The following DDX56 variants were observed in gnomAD, a reference collection of about 807,000 sequenced individuals.
DDX56 encodes DEAD-box helicase 56, also known as probable ATP-dependent RNA helicase DDX56.
DDX56 carries 45 observed loss-of-function variants against 61.5 expected under a neutral mutation model. The ratio of observed to expected loss-of-function variants is 0.73; its 90% CI spans 0.58 to 0.94. DDX56 has a LOEUF of 0.94. Ranked by LOEUF, DDX56 falls within the 40% of genes least tolerant of loss-of-function variation. The pLI is 0.00. For synonymous variants in DDX56, 273 were observed against 268.3 expected (o/e 1.02, Z -0.17); for missense variants, 708 against 690.7 (o/e 1.02, Z -0.28).
intron 6 of DDX56, among the ~76,000 whole-genome samples, chr7:44,571,237 C>G (rs184090764): frequency 1.8e-4 from 27 of 152,298 alleles, no homozygotes; most frequent in Admixed American, 1.2e-3. Flanking sequence ...CGGGGTTTCA[C>G]CATGCTGGCC....
chr7:44,571,314 C>T (rs900750179), intron 6 of DDX56, among the ~76,000 whole-genome samples, 178 bp downstream of exon 6: 2 of 152,358 alleles, frequency 1.3e-5, no homozygotes, highest in East Asian at 3.9e-4. Context: ...GCTGAGATTA[C>T]AGCAGGCATA....
At position 44,568,959 on chromosome 7, in the gene DDX56, G is replaced by C. The variant is rs1228134063; in HGVS notation, c.1327C>G (p.Arg443Gly). Residue 443 changes from arginine (R) to glycine (G), a missense_variant, in exon 11 of 14, where the codon CGG becomes GGG. Coordinates refer to ENST00000258772, the MANE Select transcript of DDX56 (RefSeq NM_019082.4). ...AMRSVTKQAI[R>G]EARLKEIKEE... is the part of the protein sequence containing the mutation. ...TTGATCTCCTTCAATCTTGCCTCCC[G>C]AATGGCCTGCTTAGTCACTGAGCGC... The C allele has an allele frequency of 6.2e-7, 1 of 1,613,888 alleles. No individual in the cohort carries two copies. The highest frequency in any genetic ancestry group is 8.5e-7 in the Non-Finnish European group (1 of 1,180,022).
rs758565445 is a variant in DDX56 at position 44,570,923 on chromosome 7, A to G, written c.891-46T>C. Reference sequence around the variant, plus strand: ...AGAATCAGCTCAGCAGAGCAAGCTCAAGGCCCCTCTGCCATCCCTAGTATC... The same window carrying G: ...AGAATCAGCTCAGCAGAGCAAGCTCGAGGCCCCTCTGCCATCCCTAGTATC... On this transcript the variant is annotated intron_variant, in intron 6 of 13. Transcript: ENST00000258772. The G allele has an allele frequency of 3.8e-6, 6 of 1,582,882 alleles. No individual in the cohort carries two copies. In the South Asian group the frequency reaches 6.7e-5, roughly 18 times the overall value.
chr7:44,567,883 T>C (rs779367565), intron 12 of DDX56: 1 of 568,570 alleles, frequency 1.8e-6, no homozygotes, highest in South Asian at 2.0e-5. Context: ...CACCCTGCAC[T>C]ACCTCAATTT....
At chr7:44,570,587 C>G (rs1057322443) in intron 7 of DDX56, among the ~76,000 whole-genome samples, 171 bp downstream of exon 7, 13 of 152,262 alleles carry the variant, frequency 8.5e-5, no homozygotes, top group Non-Finnish European at 1.3e-4. Context: ...CATCCACTCC[C>G]TTCTCTATAT....
At chr7:44,568,322 G>T in intron 11 of DDX56, 99 bp from the exon 12 acceptor site, 1 of 823,900 alleles carries the variant, frequency 1.2e-6, no homozygotes, top group Non-Finnish European at 1.9e-6. Flanking sequence ...TGTTTCAAAA[G>T]GCATGAGGCA....
At chr7:44,568,758 ATGATTCTGGGTCCATTTCCTCCCCTTCCG>A in intron 11 of DDX56, 116 bp downstream of exon 11, 1 of 653,532 alleles carries the variant, frequency 1.5e-6, no homozygotes, top group East Asian at 2.7e-5. Context: ...GCTTCCTTCC[ATGATTCTGGGTCCATTTCCTCCCCTTCCG>A]TGCCAAAGGC....
chr7:44,568,076 T>C, intron 12 of DDX56, 42 bp downstream of exon 12: 1 of 1,507,764 alleles, frequency 6.6e-7, no homozygotes, highest in South Asian at 1.1e-5. Flanking sequence ...TTAATGCCAC[T>C]TCCCCAGCCT....
Position 44,573,889 on chromosome 7 carries a change from C to T in DDX56, c.7G>A (p.Asp3Asn), listed in dbSNP as rs144899186. Residue 3 changes from aspartate (D) to asparagine (N), a missense_variant, in exon 1 of 14, where the codon GAC becomes AAC. Transcript: ENST00000258772. Reference sequence around the variant, plus strand: ...TGTTCGAAGCCCAGTGCTTCAGAGTCCTCCATGGCGCTGCTCAGTAGCGCA... The same window carrying T: ...TGTTCGAAGCCCAGTGCTTCAGAGTTCTCCATGGCGCTGCTCAGTAGCGCA... ME[D>N]SEALGFEHMG... The T allele has an allele frequency of 3.7e-5, 59 of 1,613,068 alleles. No individual in the cohort carries two copies. Among genetic ancestry groups the T allele is most frequent in the Admixed American group, 6.7e-5 (4 of 60,010 alleles).
chr7:44,569,939 C>A, intron 8 of DDX56, 36 bp from the exon 9 acceptor site: 1 of 1,611,544 alleles, frequency 6.2e-7, no homozygotes, highest in Non-Finnish European at 8.5e-7. Flanking sequence ...CATCTCCAAC[C>A]CGCAGGCTCT....
At chr7:44,566,201 A>G (rs1802530716) in intron 13 of DDX56, 122 bp from the exon 14 acceptor site, 5 of 648,318 alleles carry the variant, frequency 7.7e-6, no homozygotes, top group Non-Finnish European at 1.3e-5. Context: ...ACACGACCAG[A>G]AGGTGCTGCA....
rs762577284 is a variant in DDX56, at chr7:44,572,926, G to A, written c.347C>T (p.Ala116Val). ...ATYCARDVRV[A>V]NVSAAEDSVS... Reference sequence around the variant, plus strand: ...TGAGTCTTCAGCAGCTGAGACATTGGCCACTCGGACATCCCGAGCACAGTA... The same window carrying A: ...TGAGTCTTCAGCAGCTGAGACATTGACCACTCGGACATCCCGAGCACAGTA... Residue 116 changes from alanine (A) to valine (V), a missense_variant, in exon 3 of 14, where the codon GCC becomes GTC. Coordinates refer to ENST00000258772, the MANE Select transcript of DDX56 (RefSeq NM_019082.4). 9.3e-6 allele frequency: 15 copies of A among 1,605,778 alleles called. No homozygotes were observed. The African/African-American group carries it at 1.2e-4, about 13-fold the overall frequency.
At chr7:44,568,067 T>G (rs753137854) in intron 12 of DDX56, 51 bp downstream of exon 12, 1 of 1,442,516 alleles carries the variant, frequency 6.9e-7, no homozygotes, top group South Asian at 1.2e-5. Flanking sequence ...GTGGAGAAAT[T>G]AATGCCACTT....
rs749598622 is a variant in DDX56 at position 44,569,166 on chromosome 7, C to A, written c.1257G>T (p.Arg419=). ...RGPILLPYQF[R]MEEIEGFRYR... ...AGCGGAAGCCCTCGATCTCCTCCAT[C>A]CGGAACTGGTAGGGGAGCAGAATGG... Residue 419 remains arginine (R), a synonymous_variant, in exon 10 of 14, where the codon CGG becomes CGT. Coordinates refer to ENST00000258772, the MANE Select transcript of DDX56 (RefSeq NM_019082.4). 1.9e-6 allele frequency: 3 copies of A among 1,614,020 alleles called. No individual in the cohort carries two copies. In the African/African-American group the frequency reaches 4.0e-5, roughly 22 times the overall value.
In DDX56 at chr7:44,566,507, C is replaced by T. The variant is rs534582979; in HGVS notation, c.1507G>A (p.Gly503Ser). ...CGCTTCTTGTGAGGGCGCACCAGGCCACGGAGAGCAGGAGGAACTGGAAGA... is the reference window on the plus strand; with the variant it reads ...CGCTTCTTGTGAGGGCGCACCAGGCTACGGAGAGCAGGAGGAACTGGAAGA... Reference protein sequence around the residue: ...PDYLVPPALRGLVRPHKKRKK... With the variant: ...PDYLVPPALRSLVRPHKKRKK... The change falls in exon 13 of 14, where the codon GGC becomes AGC. Residue 503 changes from glycine to serine, a missense_variant. Physicochemically the swap from Gly to Ser is moderately conservative, Grantham distance 56 (BLOSUM62 0). Coordinates refer to ENST00000258772, the MANE Select transcript of DDX56 (RefSeq NM_019082.4). 4.6e-5 allele frequency: 72 copies of T among 1,564,174 alleles called. No individual in the cohort carries two copies. In the South Asian group the frequency reaches 8.3e-4, roughly 18 times the overall value.
At chr7:44,572,472 A>C (rs377507689) in intron 4 of DDX56, 35 bp from the exon 5 acceptor site, 2 of 1,613,074 alleles carry the variant, frequency 1.2e-6, no homozygotes, top group South Asian at 1.1e-5. Context: ...TTCCAGCTCC[A>C]AGGGCCGCTA....
In DDX56 at chr7:44,570,871, G is replaced by A. The variant is rs148882892; in HGVS notation, c.897C>T (p.His299=). The change falls in exon 7 of 14, where the codon CAC becomes CAT. Residue 299 remains histidine, a synonymous_variant. Coordinates refer to ENST00000258772, the MANE Select transcript of DDX56 (RefSeq NM_019082.4). ...AGCCTTGGTTGAACTGTGAGATGAT[G>A]TGGCACCTGCAGCCAAGAGCGGACA... ...NGELPLRSRC[H]IISQFNQGFY... 32 of 1,611,816 alleles carry A rather than the reference G, an allele frequency of 2.0e-5. No homozygotes were observed. The African/African-American group carries it at 3.6e-4, about 18-fold the overall frequency.
At position 44,572,851 on chromosome 7, in the gene DDX56, G is replaced by A. The variant is rs185697094; in HGVS notation, c.383+39C>T. 324 of 1,592,268 alleles carry A rather than the reference G, an allele frequency of 2.0e-4. 4 individuals carry two copies. Among genetic ancestry groups the A allele is most frequent in the South Asian group, 1.5e-3 (134 of 88,044 alleles). On this transcript the variant is annotated intron_variant, in intron 3 of 13. Transcript: ENST00000258772. ...CACAAACCCAACCCCACAACACTGT[G>A]TAGCTTCATTCAGGTACAGCTTTGC...
At chr7:44,571,924 G>A (rs1389633931) in intron 5 of DDX56, among the ~76,000 whole-genome samples, 188 bp from the exon 6 acceptor site, 2 of 152,126 alleles carry the variant, frequency 1.3e-5, no homozygotes, top group East Asian at 1.9e-4. Context: ...GTGGTATATA[G>A]AGTATACCAT....
Sources: allele counts gnomAD v4.1 joint callset (sites outside exome capture counted in the v4.1 genomes callset), GRCh38; gene constraint gnomAD v4.1.1; transcripts MANE v1.5; gene names NCBI Gene and HGNC (gene_info 2026-07-23, HGNC 2026-07-21).